The following ATF7 variants were observed in gnomAD, a reference collection of about 807,000 sequenced individuals.
ATF7 encodes activating transcription factor 7, also known as cyclic AMP-dependent transcription factor ATF-7.
Under a neutral mutation model 50.4 loss-of-function variants are expected in ATF7, and 10 were observed. That is an observed-to-expected ratio of 0.20 (90% CI 0.12 to 0.34). The LOEUF is 0.34. Among genes scored for constraint, ATF7 ranks in the 10% least tolerant of loss-of-function variants. The pLI is 1.00. For missense variants in ATF7, 465 were observed against 613.9 expected (o/e 0.76, Z 2.56); for synonymous variants, 201 against 226.4 (o/e 0.89, Z 1.01).
intron 2 of ATF7, 22 bp from the exon 3 acceptor site, chr12:53,552,659 G>T (rs1344490377): frequency 1.3e-6 from 2 of 1,597,110 alleles, no homozygotes; most frequent in Non-Finnish European, 1.7e-6. Flanking sequence ...CAGAAATGGA[G>T]ATATGAAAAA....
intron 5 of ATF7, among the ~76,000 whole-genome samples, chr12:53,536,642 C>A (rs1379398951): frequency 6.6e-6 from 1 of 150,696 alleles, no homozygotes; most frequent in Non-Finnish European, 1.5e-5. Context: ...AACCCTAGCA[C>A]TTTGGGAGGC....
At position 53,534,494 on chromosome 12, in the gene ATF7, G is replaced by A. The variant is rs1220052202; in HGVS notation, c.560+8C>T. 28 of 1,613,734 alleles carry A rather than the reference G, an allele frequency of 1.7e-5. No individual in the cohort carries two copies. Among genetic ancestry groups the A allele is most frequent in the Non-Finnish European group, 2.3e-5 (27 of 1,179,728 alleles). On this transcript the variant is annotated splice_region_variant and intron_variant, in intron 6 of 11. Transcript: ENST00000420353. ...CCTTCACTACTTCTCCCTGCTCTCT[G>A]TACTTACCCCATTTGCCTGTTGGAT...
chr12:53,599,398 T>C (rs1269498155), intron 2 of ATF7, among the ~76,000 whole-genome samples: 1 of 151,962 alleles, frequency 6.6e-6, no homozygotes, highest in Non-Finnish European at 1.5e-5. Flanking sequence ...AACAAATGTA[T>C]TCTATTTTCC....
chr12:53,587,841 A>ATG, intron 2 of ATF7, among the ~76,000 whole-genome samples: 2 of 46,404 alleles, frequency 4.3e-5, no homozygotes, highest in South Asian at 2.4e-3. Context: ...ATATATATAT[A>ATG]TATTTTTTTT....
At chr12:53,577,609 G>A (rs1336689817) in intron 2 of ATF7, among the ~76,000 whole-genome samples, 3 of 151,598 alleles carry the variant, frequency 2.0e-5, no homozygotes, top group African/African-American at 2.4e-5. Flanking sequence ...CCAGCTACTC[G>A]GGAGGCTGAG....
At chr12:53,559,102 T>C (rs1273235798) in intron 2 of ATF7, among the ~76,000 whole-genome samples, 2 of 150,996 alleles carry the variant, frequency 1.3e-5, no homozygotes, top group Non-Finnish European at 2.9e-5. Context: ...GGCAACATCG[T>C]TAAGACCTTG....
At chr12:53,618,266 G>T (rs1306630693) in intron 1 of ATF7, among the ~76,000 whole-genome samples, 1 of 152,038 alleles carries the variant, frequency 6.6e-6, no homozygotes, top group African/African-American at 2.4e-5. Context: ...ATTTATGAAA[G>T]TTCTGGCCTG....
rs550836404 is a variant in ATF7 at position 53,531,181 on chromosome 12, G to A, written c.927+563C>T. Among the ~76,000 whole-genome samples the A allele has an allele frequency of 4.6e-5, 7 of 152,022 alleles. No homozygotes were observed. In the East Asian group the frequency reaches 1.4e-3, roughly 30 times the overall value. On this transcript the variant is annotated intron_variant, in intron 9 of 11. Coordinates refer to ENST00000420353, the MANE Select transcript of ATF7 (RefSeq NM_006856.3). ...CACGCCTGGAATCCCAGCATTCTGG[G>A]AGGCCGAGATGGGTGGATCACCTCA...
chr12:53,564,958 C>A (rs1401642859), intron 2 of ATF7, among the ~76,000 whole-genome samples: 1 of 152,050 alleles, frequency 6.6e-6, no homozygotes, highest in Non-Finnish European at 1.5e-5. Context: ...GACAATTCTT[C>A]TTCCAATGTG....
At chr12:53,586,401 G>T (rs1358525064) in intron 2 of ATF7, among the ~76,000 whole-genome samples, 1 of 133,838 alleles carries the variant, frequency 7.5e-6, no homozygotes, top group Non-Finnish European at 1.6e-5. Context: ...TGCATAGATT[G>T]CCACCATGTA....
At chr12:53,617,370 G>A (rs1456579616) in intron 1 of ATF7, among the ~76,000 whole-genome samples, 2 of 152,200 alleles carry the variant, frequency 1.3e-5, no homozygotes, top group East Asian at 1.9e-4. Flanking sequence ...GCTCACACCT[G>A]TAATCCCAGC....
At chr12:53,620,735 C>A (rs117592789) in intron 1 of ATF7, among the ~76,000 whole-genome samples, 3 of 150,500 alleles carry the variant, frequency 2.0e-5, no homozygotes, top group African/African-American at 4.9e-5. Context: ...GGGAACACAG[C>A]GAGACTTCGT....
chr12:53,605,482 T>C (rs1943567167), intron 1 of ATF7, among the ~76,000 whole-genome samples: 1 of 152,206 alleles, frequency 6.6e-6, no homozygotes, highest in South Asian at 2.1e-4. Context: ...TAGTGAGTTT[T>C]AAAATTCATT....
intron 2 of ATF7, among the ~76,000 whole-genome samples, chr12:53,579,986 A>C (rs974065701): frequency 6.6e-6 from 1 of 151,960 alleles, no homozygotes; most frequent in Non-Finnish European, 1.5e-5. Context: ...GCCAGGCTGG[A>C]GTGGCACGAT....
In ATF7 at chr12:53,543,342, C is replaced by T; in HGVS notation, c.252G>A (p.Glu84=). ...TCCTGCTTCTTGCCTTTTTCTCATC[C>T]TCATCTGCAGCTTTCTTGAATTCAT... ...FEHEFKKAAD[E]DEKKAAAGPL... is the part of the protein sequence containing the mutation. The change falls in exon 4 of 12, where the codon GAG becomes GAA. Residue 84 remains glutamate (E), a synonymous_variant. Coordinates refer to ENST00000420353, the MANE Select transcript of ATF7 (RefSeq NM_006856.3). 1 of 1,588,982 alleles carries T rather than the reference C, an allele frequency of 6.3e-7. No individual in the cohort carries two copies. The highest frequency in any genetic ancestry group is 1.1e-5 in the South Asian group (1 of 87,282).
chr12:53,580,704 C>A (rs1206951492), intron 2 of ATF7, among the ~76,000 whole-genome samples: 5 of 146,472 alleles, frequency 3.4e-5, no homozygotes, highest in Non-Finnish European at 7.6e-5. Context: ...TAAAGATATA[C>A]CCTAATCCAA....
intron 2 of ATF7, among the ~76,000 whole-genome samples, chr12:53,599,471 C>CTATA (rs113534987): frequency 0.011 from 1,551 of 147,648 alleles, 26 homozygotes; most frequent in African/African-American, 0.036. Context: ...TATATATATT[C>CTATA]TATATATATA....
rs1290292767 is a variant in ATF7 at position 53,524,780 on chromosome 12, G to A, written c.928-19C>T. 3.8e-6 allele frequency: 6 copies of A among 1,568,054 alleles called. No homozygotes were observed. Among genetic ancestry groups the A allele is most frequent in the Admixed American group, 1.9e-5 (1 of 52,294 alleles). On this transcript the variant is annotated intron_variant, in intron 9 of 11. Transcript: ENST00000420353. This position sits in a 1 kb window ranked among gnomAD's most constrained non-coding sequence, Gnocchi z 4.6. ...GTGAGACCTGGTGCCCAGGAAGGAA[G>A]AGAGGTTACTTGATGGGAACATTAA...
At chr12:53,548,417 AATCTCTTGGGTTC>A (rs1178709657) in intron 3 of ATF7, among the ~76,000 whole-genome samples, 1 of 152,020 alleles carries the variant, frequency 6.6e-6, no homozygotes, top group African/African-American at 2.4e-5. Flanking sequence ...CTGTAACCTC[AATCTCTTGGGTTC>A]AAGTGATTCT....
Sources: gnomAD v4.1 joint callset for allele counts (sites outside exome capture counted in the v4.1 genomes callset) on GRCh38, gnomAD v4.1.1 for gene constraint, Gnocchi (gnomAD v3.1) non-coding constraint, MANE v1.5 for transcripts, NCBI Gene and HGNC (gene_info 2026-07-23, HGNC 2026-07-21) for gene names.